EPHA4: variants seen among roughly 807,000 people sequenced by gnomAD.
The protein encoded by EPHA4 is ephrin type-A receptor 4.
A neutral mutation model predicts 108.3 loss-of-function variants in EPHA4; 19 were observed. The ratio of observed to expected loss-of-function variants is 0.18; its 90% CI spans 0.12 to 0.26. The LOEUF (loss-of-function observed/expected upper bound fraction) is 0.26. EPHA4 is among the 10% of genes least tolerant of loss of function. EPHA4 has a pLI of 1.00. For missense variants in EPHA4, 917 were observed against 1,254.0 expected, an observed-to-expected ratio of 0.73 and a Z score of 4.06; for synonymous variants, 449 against 455.5, an observed-to-expected ratio of 0.99 and a Z score of 0.18.
chr2:221,519,286 T>G (rs930712583), intron 3 of EPHA4, among the ~76,000 whole-genome samples: 5 of 152,162 alleles, frequency 3.3e-5, no homozygotes, highest in African/African-American at 1.2e-4. Flanking sequence ...TCTGAAAATA[T>G]AGGGTCTTAT....
intron 5 of EPHA4, among the ~76,000 whole-genome samples, chr2:221,475,138 T>C (rs1460834051): frequency 6.6e-6 from 1 of 152,218 alleles, no homozygotes; most frequent in Non-Finnish European, 1.5e-5. Flanking sequence ...CCCAAAGTAC[T>C]GGGATTACAG....
chr2:221,514,589 G>A lies in EPHA4; in HGVS notation c.824-13417C>T, dbSNP rs144044612. ...AGTGCATCTTACTTACCCTGATGAC[G>A]TGTAAGTGTGTTTATCTTTGTTGGG... On this transcript the variant is annotated intron_variant, in intron 3 of 17. Coordinates refer to ENST00000281821, the MANE Select transcript of EPHA4 (RefSeq NM_004438.5). Among the ~76,000 whole-genome samples the A allele has an allele frequency of 1.0e-3, 152 of 152,258 alleles. 1 individual carries two copies. Among genetic ancestry groups the A allele is most frequent in the African/African-American group, 3.0e-3 (126 of 41,554 alleles).
intron 8 of EPHA4, among the ~76,000 whole-genome samples, chr2:221,454,476 C>T (rs1690878987): frequency 1.3e-5 from 2 of 152,200 alleles, no homozygotes; most frequent in South Asian, 2.1e-4. Context: ...GCAAGAATTA[C>T]TTCTTTCCTA....
chr2:221,504,935 A>G (rs1692586203), intron 3 of EPHA4, among the ~76,000 whole-genome samples: 1 of 152,208 alleles, frequency 6.6e-6, no homozygotes, highest in Admixed American at 6.6e-5. Context: ...TCTGACCTTC[A>G]GCAAAAATAT....
chr2:221,430,042 G>C lies in EPHA4; in HGVS notation c.2606C>G (p.Pro869Arg). The C allele has an allele frequency of 6.2e-7, 1 of 1,614,038 alleles. No homozygotes were observed. The highest frequency in any genetic ancestry group is 8.5e-7 in the Non-Finnish European group (1 of 1,180,004). Residue 869 changes from proline (P) to arginine (R), a missense_variant, in exon 15 of 18, where the codon CCT becomes CGT. Pro to Arg is a moderately radical substitution (Grantham distance 103). Around this residue, in one of 3 missense-constraint regions of EPHA4, gnomAD observed 133 missense variants for 132.8 expected, o/e 1.00. Transcript: ENST00000281821. ...CATGTTGACAATCTGCCCAAATTTA[G>C]GCCTGTCGCTCCTCTCCTTCTGCCA... ...DCWQKERSDR[P>R]KFGQIVNMLD...
chr2:221,433,179 C>T (rs1335328974), intron 14 of EPHA4, among the ~76,000 whole-genome samples: 2 of 152,052 alleles, frequency 1.3e-5, no homozygotes, highest in African/African-American at 2.4e-5. Flanking sequence ...CTTAAGTGCA[C>T]GTGGCTCTAA....
intron 8 of EPHA4, among the ~76,000 whole-genome samples, chr2:221,449,289 G>A (rs1690696885): frequency 1.3e-5 from 2 of 152,152 alleles, no homozygotes; most frequent in African/African-American, 4.8e-5. Flanking sequence ...TATCATCCCA[G>A]GAAAGAAAGC....
intron 4 of EPHA4, among the ~76,000 whole-genome samples, chr2:221,485,120 C>A (rs1016544896): frequency 1.3e-5 from 2 of 152,134 alleles, no homozygotes; most frequent in African/African-American, 4.8e-5. Flanking sequence ...GGTTCCTGGT[C>A]CACTTTCACA....
At chr2:221,487,822 T>A (rs1471449402) in intron 4 of EPHA4, among the ~76,000 whole-genome samples, 2 of 152,308 alleles carry the variant, frequency 1.3e-5, no homozygotes, top group East Asian at 3.9e-4. Flanking sequence ...CAGGATTCTC[T>A]CTGTGCCTGC....
rs573431908 is a variant in EPHA4, at chr2:221,564,607, C to T, written c.160-213G>A. On this transcript the variant is annotated intron_variant, in intron 2 of 17. Transcript: ENST00000281821. ...TTTTTGTTTGTTTAATTGTTTCAAT[C>T]TTTTGCCTGAAATCCAGAGGCAATG... Among the ~76,000 whole-genome samples, 5 of 151,640 alleles carry T rather than the reference C, an allele frequency of 3.3e-5. No individual in the cohort carries two copies. The East Asian group carries it at 9.7e-4, about 29-fold the overall frequency.
chr2:221,426,744 A>C, intron 15 of EPHA4, 125 bp from the exon 16 acceptor site: 1 of 830,266 alleles, frequency 1.2e-6, no homozygotes, highest in South Asian at 1.7e-5. Context: ...TAAATGGAAC[A>C]ATTGTTGTTA....
At chr2:221,495,059 G>A (rs1223596180) in intron 4 of EPHA4, among the ~76,000 whole-genome samples, 1 of 148,482 alleles carries the variant, frequency 6.7e-6, no homozygotes, top group African/African-American at 2.5e-5. Flanking sequence ...AGGTGTCTAA[G>A]GTGAACATTT....
chr2:221,550,776 A>AATTC (rs984110243), intron 3 of EPHA4, among the ~76,000 whole-genome samples: 11 of 152,266 alleles, frequency 7.2e-5, no homozygotes, highest in Admixed American at 2.6e-4. Context: ...AATTTGTCAA[A>AATTC]ATTCACTGCT....
chr2:221,442,765 A>G, intron 11 of EPHA4, 64 bp downstream of exon 11: 1 of 1,548,038 alleles, frequency 6.5e-7, no homozygotes, highest in Non-Finnish European at 8.9e-7. Context: ...CCCTGGAAAG[A>G]AAATGTGTGT....
At chr2:221,467,425 C>T (rs1173468364) in intron 5 of EPHA4, among the ~76,000 whole-genome samples, 1 of 152,138 alleles carries the variant, frequency 6.6e-6, no homozygotes, top group African/African-American at 2.4e-5. Flanking sequence ...GATCCAAACA[C>T]AATATTTAGT....
chr2:221,459,465 G>A (rs965237371), intron 5 of EPHA4, among the ~76,000 whole-genome samples: 11 of 151,818 alleles, frequency 7.2e-5, no homozygotes, highest in Non-Finnish European at 1.5e-4. Context: ...AGCTGCATGC[G>A]GCAGACATAT....
intron 4 of EPHA4, among the ~76,000 whole-genome samples, chr2:221,499,859 G>C (rs1386393000): frequency 6.8e-6 from 1 of 147,798 alleles, no homozygotes; most frequent in Non-Finnish European, 1.5e-5. Context: ...CTGGGTTCAA[G>C]TGATTCTCCA....
At chr2:221,533,869 G>C (rs1057324892) in intron 3 of EPHA4, among the ~76,000 whole-genome samples, 1 of 151,960 alleles carries the variant, frequency 6.6e-6, no homozygotes, top group Non-Finnish European at 1.5e-5. Context: ...CCATTGACAG[G>C]CAGACTCTTT....
chr2:221,484,917 A>G (rs1691936778), intron 4 of EPHA4, among the ~76,000 whole-genome samples: 1 of 152,218 alleles, frequency 6.6e-6, no homozygotes, highest in African/African-American at 2.4e-5. Flanking sequence ...GCAAACATGG[A>G]GGTGGCAGTG....
Sources: gnomAD v4.1 joint callset for allele counts (sites outside exome capture counted in the v4.1 genomes callset) on GRCh38, gnomAD v4.1.1 for gene constraint, gnomAD v4.1.1 regional missense constraint, MANE v1.5 for transcripts, NCBI Gene and HGNC (gene_info 2026-07-23, HGNC 2026-07-21) for gene names.